NELL1: variants seen among roughly 807,000 people sequenced by gnomAD.
NELL1 encodes neural EGFL like 1, also known as protein kinase C-binding protein NELL1.
A neutral mutation model predicts 107.4 loss-of-function variants in NELL1; 76 were observed. The ratio of observed to expected loss-of-function variants is 0.71; its 90% CI spans 0.59 to 0.86. The LOEUF is 0.86. NELL1 is among the 40% of genes least tolerant of loss of function. NELL1 has a pLI of 0.00. For synonymous variants in NELL1, 353 were observed against 341.2 expected (o/e 1.03, Z -0.38); for missense variants, 1,024 against 1,005.5 (o/e 1.02, Z -0.25).
chr11:20,876,910 G>C (rs1590371715), intron 4 of NELL1, among the ~76,000 whole-genome samples: 1 of 152,342 alleles, frequency 6.6e-6, no homozygotes, highest in African/African-American at 2.4e-5. Flanking sequence ...CTGAATATTT[G>C]TTGGTGTCAG....
chr11:21,113,222 A>G (rs1855147635), intron 12 of NELL1, among the ~76,000 whole-genome samples: 1 of 152,032 alleles, frequency 6.6e-6, no homozygotes, highest in Admixed American at 6.6e-5. Context: ...TAAAAGCTAT[A>G]CCATGTACTG....
intron 19 of NELL1, 64 bp from the exon 20 acceptor site, chr11:21,574,908 A>G: frequency 7.1e-7 from 1 of 1,413,204 alleles, no homozygotes; most frequent in Non-Finnish European, 1.0e-6. Context: ...GAGTATAAAA[A>G]TTGCAGACTG....
chr11:21,062,988 C>A (rs894320596), intron 12 of NELL1, among the ~76,000 whole-genome samples: 2 of 150,116 alleles, frequency 1.3e-5, no homozygotes, highest in African/African-American at 4.9e-5. Flanking sequence ...CCACCAAGCC[C>A]AGCTAATGTG....
intron 12 of NELL1, among the ~76,000 whole-genome samples, chr11:21,029,766 T>G (rs780611628): frequency 1.2e-4 from 19 of 152,268 alleles, no homozygotes; most frequent in Non-Finnish European, 2.4e-4. Flanking sequence ...AACATTTGAT[T>G]TAAATAAAGG....
chr11:21,061,668 G>GCCTTA (rs57325413), intron 12 of NELL1, among the ~76,000 whole-genome samples: 56,089 of 151,506 alleles, frequency 0.37, 10,599 homozygotes, highest in African/African-American at 0.46. Flanking sequence ...ATTTGCAAAG[G>GCCTTA]CCTTAGAGTG....
chr11:21,556,567 G>A (rs367907322), intron 16 of NELL1, among the ~76,000 whole-genome samples: 2 of 151,786 alleles, frequency 1.3e-5, no homozygotes, highest in East Asian at 1.9e-4. Context: ...AAACATCTCT[G>A]AATTCTATTT....
chr11:21,299,371 AG>A (rs1340279164), intron 14 of NELL1, among the ~76,000 whole-genome samples: 1 of 151,848 alleles, frequency 6.6e-6, no homozygotes, highest in Non-Finnish European at 1.5e-5. Context: ...GTACATTTGG[AG>A]GAGAGTAAAG....
rs541383022 is a variant in NELL1, at chr11:21,180,340, C to T, written c.1427-48992C>T. 1.0e-3 allele frequency among the ~76,000 whole-genome samples: 154 copies of T among 151,872 alleles called. 3 individuals are homozygous for T. Among genetic ancestry groups the T allele is most frequent in the African/African-American group, 3.4e-3 (140 of 41,208 alleles). On this transcript the variant is annotated intron_variant, in intron 13 of 19. Coordinates refer to ENST00000357134, the MANE Select transcript of NELL1 (RefSeq NM_006157.5). Reference sequence around the variant, plus strand: ...TGTTAATTGGAAAACAAATTTTTTACATGACTGAAATATGTTCTGATGTGG... The same window carrying T: ...TGTTAATTGGAAAACAAATTTTTTATATGACTGAAATATGTTCTGATGTGG...
chr11:21,440,045 A>T (rs183267986), intron 15 of NELL1, among the ~76,000 whole-genome samples: 2 of 152,204 alleles, frequency 1.3e-5, no homozygotes, highest in Non-Finnish European at 2.9e-5. Context: ...CATAAACCAT[A>T]TTATCTACTA....
At chr11:20,908,543 T>G (rs934498747) in intron 5 of NELL1, among the ~76,000 whole-genome samples, 1 of 151,978 alleles carries the variant, frequency 6.6e-6, no homozygotes, top group East Asian at 1.9e-4. Context: ...CATCACACAC[T>G]GGGGCCTGTT....
intron 12 of NELL1, among the ~76,000 whole-genome samples, chr11:21,054,722 T>C (rs1320369656): frequency 1.3e-5 from 2 of 152,080 alleles, no homozygotes; most frequent in African/African-American, 4.8e-5. Flanking sequence ...TATTATGCAT[T>C]TTATTTCTTC....
intron 15 of NELL1, among the ~76,000 whole-genome samples, chr11:21,440,915 T>C (rs1853266282): frequency 6.6e-6 from 1 of 152,158 alleles, no homozygotes; most frequent in Non-Finnish European, 1.5e-5. Flanking sequence ...AGACCAGAAT[T>C]ATATTAAAGA....
chr11:21,138,460 A>C (rs1855792892), intron 13 of NELL1, among the ~76,000 whole-genome samples: 2 of 152,208 alleles, frequency 1.3e-5, no homozygotes, highest in African/African-American at 4.8e-5. Context: ...CAACAAGAAA[A>C]TAAAAAGTGA....
At chr11:21,081,832 CTG>C (rs1854276977) in intron 12 of NELL1, among the ~76,000 whole-genome samples, 2 of 152,020 alleles carry the variant, frequency 1.3e-5, no homozygotes, top group Admixed American at 6.6e-5. Context: ...TGAATACTAA[CTG>C]TGTGTTCAGG....
chr11:21,572,534 G>C (rs1042312356), intron 18 of NELL1, among the ~76,000 whole-genome samples: 1 of 135,072 alleles, frequency 7.4e-6, no homozygotes, highest in Admixed American at 6.9e-5. Context: ...AGAGGAAGAG[G>C]ATGCATAGTG....
intron 15 of NELL1, among the ~76,000 whole-genome samples, chr11:21,447,543 C>A (rs191621350): frequency 6.6e-6 from 1 of 152,286 alleles, no homozygotes; most frequent in Non-Finnish European, 1.5e-5. Flanking sequence ...ACAACTCTGC[C>A]CAATGCCCTA....
At chr11:21,194,638 C>T (rs1044220257) in intron 13 of NELL1, among the ~76,000 whole-genome samples, 1 of 152,100 alleles carries the variant, frequency 6.6e-6, no homozygotes, top group South Asian at 2.1e-4. Flanking sequence ...ATTAGAAATC[C>T]AAATCCTCAG....
intron 13 of NELL1, among the ~76,000 whole-genome samples, chr11:21,227,630 C>T (rs540728784): frequency 6.6e-6 from 1 of 152,102 alleles, no homozygotes; most frequent in Non-Finnish European, 1.5e-5. Flanking sequence ...TTTGTAAATT[C>T]GAGTGGACAT....
At chr11:21,151,021 A>C (rs1856102968) in intron 13 of NELL1, among the ~76,000 whole-genome samples, 1 of 152,130 alleles carries the variant, frequency 6.6e-6, no homozygotes, top group Non-Finnish European at 1.5e-5. Flanking sequence ...GAACTCACTC[A>C]CTATCATGAA....
Sources: gnomAD v4.1 joint callset for allele counts (sites outside exome capture counted in the v4.1 genomes callset) on GRCh38, gnomAD v4.1.1 for gene constraint, MANE v1.5 for transcripts, NCBI Gene and HGNC (gene_info 2026-07-23, HGNC 2026-07-21) for gene names.